Variants in WDR37 observed in about 807,000 individuals in gnomAD.
WDR37 encodes WD repeat-containing protein 37.
WDR37 carries 19 observed loss-of-function variants against 62.9 expected under a neutral mutation model. The observed-to-expected ratio is 0.30, with a 90% CI of 0.21 to 0.44. The LOEUF is 0.44. Ranked by LOEUF, WDR37 falls within the 20% of genes least tolerant of loss-of-function variation. The pLI is 1.00. For missense variants in WDR37, 474 were observed against 657.6 expected, an observed-to-expected ratio of 0.72 and a Z score of 3.05; for synonymous variants, 250 against 260.9, an observed-to-expected ratio of 0.96 and a Z score of 0.40.
chr10:1,116,973 T>A (rs1835420871), intron 11 of WDR37, among the ~76,000 whole-genome samples: 1 of 152,178 alleles, frequency 6.6e-6, no homozygotes, highest in Middle Eastern at 3.2e-3. Flanking sequence ...TGCCGTTCCA[T>A]CCTCCTCTCT....
At chr10:1,102,035 G>A (rs1438062407) in intron 9 of WDR37, among the ~76,000 whole-genome samples, 1 of 151,652 alleles carries the variant, frequency 6.6e-6, no homozygotes, top group Non-Finnish European at 1.5e-5. Context: ...GTGCGTCCCT[G>A]TGACGTGCGT....
intron 5 of WDR37, among the ~76,000 whole-genome samples, chr10:1,081,250 A>G (rs1195650969): frequency 6.6e-6 from 1 of 152,192 alleles, no homozygotes; most frequent in Non-Finnish European, 1.5e-5. Flanking sequence ...TGACCTTCTT[A>G]AAGTGGAAAG....
intron 11 of WDR37, among the ~76,000 whole-genome samples, chr10:1,110,155 T>G (rs1255206264): frequency 6.6e-6 from 1 of 152,186 alleles, no homozygotes; most frequent in African/African-American, 2.4e-5. Flanking sequence ...TGGCGCTAAT[T>G]TTGTTGCTGT....
At chr10:1,090,330 T>G (rs1834345028) in intron 7 of WDR37, among the ~76,000 whole-genome samples, 1 of 152,178 alleles carries the variant, frequency 6.6e-6, no homozygotes, top group African/African-American at 2.4e-5. Flanking sequence ...AGCTAAGTTT[T>G]GTATTTTTAG....
At chr10:1,113,421 G>A (rs958078792) in intron 11 of WDR37, among the ~76,000 whole-genome samples, 5 of 152,044 alleles carry the variant, frequency 3.3e-5, no homozygotes, top group Admixed American at 1.3e-4. Context: ...TGCAGCCCAT[G>A]GTTCAAGGAG....
intron 11 of WDR37, among the ~76,000 whole-genome samples, chr10:1,119,288 G>A (rs923049664): frequency 6.6e-6 from 1 of 152,214 alleles, no homozygotes; most frequent in African/African-American, 2.4e-5. Flanking sequence ...GGCACCACAG[G>A]TCAGTGTTTC....
At chr10:1,102,091 G>A (rs1834831298) in intron 9 of WDR37, among the ~76,000 whole-genome samples, 1 of 149,322 alleles carries the variant, frequency 6.7e-6, no homozygotes, top group African/African-American at 2.5e-5. Context: ...GTGCTGCCGT[G>A]CGTCCCTGTG....
intron 11 of WDR37, among the ~76,000 whole-genome samples, chr10:1,115,915 C>T (rs1281687921): frequency 6.6e-6 from 1 of 152,134 alleles, no homozygotes; most frequent in Non-Finnish European, 1.5e-5. Context: ...TGGAAGCACA[C>T]CTGTGTCTCC....
At chr10:1,101,146 C>A (rs554163123) in intron 9 of WDR37, among the ~76,000 whole-genome samples, 14 of 152,342 alleles carry the variant, frequency 9.2e-5, no homozygotes, top group Non-Finnish European at 1.9e-4. Context: ...GCCGCCCTCC[C>A]TGCACTTCTC....
intron 11 of WDR37, among the ~76,000 whole-genome samples, chr10:1,112,348 G>A (rs1467914280): frequency 6.6e-6 from 1 of 152,212 alleles, no homozygotes. Flanking sequence ...GATAAATCGT[G>A]TGTGTTCCGA....
At chr10:1,119,673 A>G (rs894094328) in intron 11 of WDR37, among the ~76,000 whole-genome samples, 2 of 152,188 alleles carry the variant, frequency 1.3e-5, no homozygotes, top group Non-Finnish European at 2.9e-5. Flanking sequence ...TTATAATATT[A>G]TAAGTGGCCA....
intron 3 of WDR37, 103 bp from the exon 4 acceptor site, chr10:1,079,908 A>G (rs1833978603): frequency 1.2e-6 from 1 of 825,166 alleles, no homozygotes; most frequent in Admixed American, 2.5e-5. Flanking sequence ...TGTTTATATA[A>G]CACTAATATA....
At chr10:1,084,291 C>T in intron 5 of WDR37, 112 bp from the exon 6 acceptor site, 1 of 1,356,368 alleles carries the variant, frequency 7.4e-7, no homozygotes, top group Non-Finnish European at 1.0e-6. Flanking sequence ...CTTTAACTGT[C>T]CTAGTCAGTG....
intron 6 of WDR37, among the ~76,000 whole-genome samples, chr10:1,084,739 G>A (rs1416789023): frequency 6.6e-6 from 1 of 152,174 alleles, no homozygotes; most frequent in Non-Finnish European, 1.5e-5. Flanking sequence ...CTTGTGGGAG[G>A]GTGTGCAGCT....
chr10:1,097,796 CTT>C (rs1385373306), intron 9 of WDR37, among the ~76,000 whole-genome samples: 3 of 152,210 alleles, frequency 2.0e-5, no homozygotes, highest in Non-Finnish European at 4.4e-5. Context: ...CCTGTTGCCT[CTT>C]TCTCTCTTTT....
chr10:1,057,540 A>C (rs1009069198), intron 1 of WDR37, among the ~76,000 whole-genome samples: 1 of 152,064 alleles, frequency 6.6e-6, no homozygotes, highest in African/African-American at 2.4e-5. Flanking sequence ...GCGCCATGAT[A>C]TTGTTCCCCT....
intron 12 of WDR37, 151 bp downstream of exon 12, chr10:1,124,503 A>T (rs1178991944): frequency 8.4e-7 from 1 of 1,194,768 alleles, no homozygotes. Context: ...TCAGTATTCC[A>T]TGAAAACTTA....
chr10:1,067,787 C>G (rs578120114), intron 1 of WDR37, among the ~76,000 whole-genome samples: 1 of 152,254 alleles, frequency 6.6e-6, no homozygotes, highest in South Asian at 2.1e-4. Flanking sequence ...CAGCACTGTT[C>G]ACAATAGCAA....
At chr10:1,057,812 A>G (rs569998548) in intron 1 of WDR37, among the ~76,000 whole-genome samples, 5 of 152,238 alleles carry the variant, frequency 3.3e-5, no homozygotes, top group Non-Finnish European at 7.3e-5. Context: ...AAAAGTGTTA[A>G]TTGCTTGGAA....
Sources: allele counts gnomAD v4.1 joint callset (sites outside exome capture counted in the v4.1 genomes callset), GRCh38; gene constraint gnomAD v4.1.1; transcripts MANE v1.5; gene names NCBI Gene and HGNC (gene_info 2026-07-23, HGNC 2026-07-21).